EYS: variants seen among roughly 807,000 people sequenced by gnomAD.
The protein encoded by EYS is EGF-like photoreceptor maintenance factor, also known as protein eyes shut homolog.
Under a neutral mutation model 282.1 loss-of-function variants are expected in EYS, and 250 were observed. The observed-to-expected ratio is 0.89, with a 90% CI of 0.80 to 0.98. The LOEUF is 0.98. Among genes scored for constraint, EYS ranks in the 50% least tolerant of loss-of-function variants. The pLI, the probability that EYS is intolerant of heterozygous loss-of-function variation, is 0.00. For synonymous variants in EYS, 1,355 were observed against 1,282.9 expected (o/e 1.06, Z -1.20); for missense variants, 4,016 against 3,709.0 (o/e 1.08, Z -2.15).
At chr6:65,153,326 A>G (rs1764657898) in intron 12 of EYS, among the ~76,000 whole-genome samples, 1 of 150,034 alleles carries the variant, frequency 6.7e-6, no homozygotes. Context: ...ATTGATCTGT[A>G]CCGGACTTCT....
chr6:64,094,960 T>A (rs1027104850), intron 31 of EYS, among the ~76,000 whole-genome samples: 3 of 152,220 alleles, frequency 2.0e-5, no homozygotes, highest in Non-Finnish European at 2.9e-5. Flanking sequence ...TGTGTCTTTG[T>A]TCTCGTTGGT....
chr6:65,001,971 C>T (rs1771479858), intron 13 of EYS, among the ~76,000 whole-genome samples: 1 of 146,436 alleles, frequency 6.8e-6, no homozygotes, highest in African/African-American at 2.4e-5. Context: ...GGTAGTATTG[C>T]ATTATAAGTA....
Position 64,393,506 on chromosome 6 carries a change from T to A in EYS, c.5928-4666A>T, listed in dbSNP as rs564432127. Among the ~76,000 whole-genome samples the A allele has an allele frequency of 9.9e-5, 15 of 152,178 alleles. No homozygotes were observed. The South Asian group carries it at 2.1e-3, about 21-fold the overall frequency. ...GCAAATCAATAAATGTAATCCAGCA[T>A]ATAAACAGAGTCAAAGACAAAAACC... On this transcript the variant is annotated intron_variant, in intron 28 of 42. Transcript: ENST00000503581.
At chr6:65,019,783 G>C (rs141159220) in intron 13 of EYS, among the ~76,000 whole-genome samples, 64 of 152,246 alleles carry the variant, frequency 4.2e-4, no homozygotes, top group African/African-American at 1.4e-3. Context: ...AGACATCCCT[G>C]AGACTGGGTA....
At position 64,470,057 on chromosome 6, in the gene EYS, A is replaced by T. The variant is rs561696679; in HGVS notation, c.5645-30705T>A. On this transcript the variant is annotated intron_variant, in intron 26 of 42. Coordinates refer to ENST00000503581, the MANE Select transcript of EYS (RefSeq NM_001142800.2). ...CCCACGTGACCTTACCTATCACTGG[A>T]GATGGCTCACACTCCTTATCCTGCC... Among the ~76,000 whole-genome samples, 29 of 152,214 alleles carry T rather than the reference A, an allele frequency of 1.9e-4. 1 individual carries two copies. The South Asian group carries it at 6.0e-3, about 32-fold the overall frequency.
chr6:65,249,172 A>G (rs1767256052), intron 12 of EYS, among the ~76,000 whole-genome samples: 1 of 151,982 alleles, frequency 6.6e-6, no homozygotes, highest in Non-Finnish European at 1.5e-5. Flanking sequence ...TATTTTTCAG[A>G]GTATAACTAT....
intron 36 of EYS, among the ~76,000 whole-genome samples, chr6:63,842,529 T>A (rs1168796711): frequency 6.6e-6 from 1 of 152,238 alleles, no homozygotes; most frequent in East Asian, 1.9e-4. Context: ...ATGGATAGGT[T>A]GTAAAAATTT....
At chr6:64,315,914 T>C (rs1283311930) in intron 29 of EYS, among the ~76,000 whole-genome samples, 2 of 152,174 alleles carry the variant, frequency 1.3e-5, no homozygotes, top group Non-Finnish European at 2.9e-5. Flanking sequence ...TGGTTCAACA[T>C]ATGCAAATCA....
At chr6:64,082,674 T>A (rs1357587798) in intron 31 of EYS, among the ~76,000 whole-genome samples, 2 of 152,162 alleles carry the variant, frequency 1.3e-5, no homozygotes, top group East Asian at 3.8e-4. Context: ...TACTTAGTTA[T>A]TTTATAAGTA....
At chr6:65,152,618 T>C (rs1764639344) in intron 12 of EYS, among the ~76,000 whole-genome samples, 1 of 151,808 alleles carries the variant, frequency 6.6e-6, no homozygotes. Flanking sequence ...CTGTGAAAAA[T>C]AAATCTTTGC....
intron 30 of EYS, among the ~76,000 whole-genome samples, chr6:64,244,169 C>T (rs766396320): frequency 6.6e-6 from 1 of 152,122 alleles, no homozygotes; most frequent in Non-Finnish European, 1.5e-5. Flanking sequence ...TTTTTACTTA[C>T]ATTTTATCTA....
chr6:65,025,396 G>A (rs1475263612), intron 13 of EYS, among the ~76,000 whole-genome samples: 2 of 152,300 alleles, frequency 1.3e-5, no homozygotes, highest in African/African-American at 2.4e-5. Context: ...ATGGATTTTA[G>A]TGAATGTATA....
chr6:64,692,395 C>T (rs1037421637), intron 22 of EYS, among the ~76,000 whole-genome samples: 6 of 152,072 alleles, frequency 3.9e-5, no homozygotes, highest in Admixed American at 3.9e-4. Flanking sequence ...AGTTTGTGAA[C>T]ATCTTCTCCC....
intron 31 of EYS, among the ~76,000 whole-genome samples, chr6:64,103,568 A>G (rs943286157): frequency 2.6e-5 from 4 of 152,186 alleles, no homozygotes; most frequent in Non-Finnish European, 4.4e-5. Context: ...AGCACAGACT[A>G]TGCGAGATTA....
chr6:64,839,070 TG>T (rs1765481255), intron 19 of EYS, among the ~76,000 whole-genome samples: 1 of 152,064 alleles, frequency 6.6e-6, no homozygotes, highest in South Asian at 2.1e-4. Flanking sequence ...ACAGAAATTC[TG>T]TCATTATTCT....
At chr6:64,730,990 C>T (rs1771943138) in intron 22 of EYS, 1 of 152,114 alleles carries the variant, frequency 6.6e-6, no homozygotes, top group Admixed American at 6.6e-5. Context: ...ACTACAGTTT[C>T]ATCTTGGAGA....
chr6:64,866,972 T>G (rs373715907), intron 19 of EYS, among the ~76,000 whole-genome samples: 1 of 151,850 alleles, frequency 6.6e-6, no homozygotes, highest in African/African-American at 2.4e-5. Context: ...TGTATACATA[T>G]GCCTGGTAAG....
Position 64,371,369 on chromosome 6 carries a change from T to C in EYS, c.6078+17321A>G, listed in dbSNP as rs551353427. Among the ~76,000 whole-genome samples, 4 of 151,892 alleles carry C rather than the reference T, an allele frequency of 2.6e-5. No homozygotes were observed. In the South Asian group the frequency reaches 8.3e-4, roughly 32 times the overall value. Reference sequence around the variant, plus strand: ...TTTCTATTTTTATTGTGCCATATTCTGAGAGCATGGTTGGAACAATTTTGG... The same window carrying C: ...TTTCTATTTTTATTGTGCCATATTCCGAGAGCATGGTTGGAACAATTTTGG... On this transcript the variant is annotated intron_variant, in intron 29 of 42. Transcript: ENST00000503581.
At chr6:64,991,346 T>G (rs114714645) in intron 14 of EYS, among the ~76,000 whole-genome samples, 2,404 of 151,710 alleles carry the variant, frequency 0.016, 62 homozygotes, top group African/African-American at 0.055. Flanking sequence ...GTCACTGCAG[T>G]GCCTCTTTTA....
Sources: allele counts gnomAD v4.1 joint callset (sites outside exome capture counted in the v4.1 genomes callset), GRCh38; gene constraint gnomAD v4.1.1; transcripts MANE v1.5; gene names NCBI Gene and HGNC (gene_info 2026-07-23, HGNC 2026-07-21).